SPHKAP: variants seen among roughly 807,000 people sequenced by gnomAD.
SPHKAP encodes SPHK1 interactor, AKAP domain containing.
Under a neutral mutation model 137.5 loss-of-function variants are expected in SPHKAP, and 67 were observed. The ratio of observed to expected loss-of-function variants is 0.49; its 90% confidence interval spans 0.40 to 0.60. SPHKAP has a LOEUF of 0.60. Among genes scored for constraint, SPHKAP ranks in the 20% least tolerant of loss-of-function variants. The pLI is 0.00. For synonymous variants in SPHKAP, 813 were observed against 785.3 expected, an observed-to-expected ratio of 1.04 and a Z score of -0.59; for missense variants, 2,097 against 2,069.3, an observed-to-expected ratio of 1.01 and a Z score of -0.26.
chr2:228,050,311 C>T (rs922186505), intron 3 of SPHKAP, among the ~76,000 whole-genome samples: 2 of 152,158 alleles, frequency 1.3e-5, no homozygotes, highest in Non-Finnish European at 2.9e-5. Flanking sequence ...TACCATTCAA[C>T]CCAGCAATCC....
intron 2 of SPHKAP, among the ~76,000 whole-genome samples, chr2:228,111,796 C>A (rs1039360515): frequency 6.6e-6 from 1 of 151,974 alleles, no homozygotes; most frequent in African/African-American, 2.4e-5. Context: ...TGTTCAGAGC[C>A]TGACTTTGGA....
At position 228,021,795 on chromosome 2, in the gene SPHKAP, A is replaced by G. The variant is rs1694849869; in HGVS notation, c.613T>C (p.Cys205Arg). 6.2e-7 allele frequency: 1 copy of G among 1,614,194 alleles called. No homozygotes were observed. The highest frequency in any genetic ancestry group is 1.1e-5 in the South Asian group (1 of 91,088). ...NILKLEDDTN[C>R]SLSSIEEDFL... ...TCTTCCTCGATTGAAGATAAGGAACAGTTCGTGTCATCCTCCAGTTTCAAG... is the reference window on the plus strand; with the variant it reads ...TCTTCCTCGATTGAAGATAAGGAACGGTTCGTGTCATCCTCCAGTTTCAAG... Residue 205 changes from cysteine (C) to arginine (R), a missense_variant, in exon 6 of 12, where the codon TGT becomes CGT. Cys to Arg is a radical substitution (Grantham distance 180). Transcript: ENST00000392056.
At chr2:228,113,696 T>G (rs896091098) in intron 2 of SPHKAP, among the ~76,000 whole-genome samples, 3 of 149,962 alleles carry the variant, frequency 2.0e-5, no homozygotes, top group Non-Finnish European at 4.4e-5. Context: ...CCTGACTCCT[T>G]GTTAACTGTG....
chr2:228,016,576 C>G lies in SPHKAP; in HGVS notation c.4278G>C (p.Val1426=), dbSNP rs750035282. The G allele has an allele frequency of 1.2e-6, 2 of 1,614,106 alleles. No individual in the cohort carries two copies. The highest frequency in any genetic ancestry group is 1.7e-5 in the Admixed American group (1 of 60,010). ...HKRRSLCSRE[V]PLIQIETDQR... is the part of the protein sequence containing the mutation. ...GATCTGTTTCAATCTGAATCAAAGG[C>G]ACTTCCCTCGAGCAAAGTGATCGCC... Residue 1426 remains valine (V), a synonymous_variant, in exon 7 of 12, where the codon GTG becomes GTC. Transcript: ENST00000392056.
intron 3 of SPHKAP, among the ~76,000 whole-genome samples, chr2:228,050,206 G>A (rs1696207660): frequency 6.6e-6 from 1 of 152,158 alleles, no homozygotes; most frequent in Admixed American, 6.5e-5. Flanking sequence ...GTCAGGGCTT[G>A]AAGGAAAGGA....
chr2:228,066,933 C>A (rs1696845443), intron 3 of SPHKAP, among the ~76,000 whole-genome samples: 1 of 152,126 alleles, frequency 6.6e-6, no homozygotes, highest in Non-Finnish European at 1.5e-5. Context: ...AGTTTGTTAA[C>A]CTTCTCTTCA....
chr2:228,011,418 T>A (rs902932815), intron 7 of SPHKAP, among the ~76,000 whole-genome samples: 3 of 152,248 alleles, frequency 2.0e-5, no homozygotes, highest in African/African-American at 7.2e-5. Flanking sequence ...CTACAGAGAC[T>A]GGTAGATGCC....
chr2:228,154,508 C>A (rs370450623), intron 1 of SPHKAP, among the ~76,000 whole-genome samples: 3,693 of 33,990 alleles, frequency 0.11, 133 homozygotes, highest in Middle Eastern at 0.21. Flanking sequence ...CTCTCTCTCT[C>A]TCTCTATATA....
chr2:228,103,060 A>G (rs891197594), intron 3 of SPHKAP, among the ~76,000 whole-genome samples: 7 of 152,044 alleles, frequency 4.6e-5, no homozygotes, highest in Admixed American at 4.6e-4. Context: ...CTTCAGTTTC[A>G]TGTTTCACTT....
intron 11 of SPHKAP, among the ~76,000 whole-genome samples, chr2:227,985,465 C>T (rs1440337587): frequency 1.3e-5 from 2 of 152,126 alleles, no homozygotes; most frequent in Non-Finnish European, 2.9e-5. Context: ...GCAGAAAGTC[C>T]TAGAGCTCTC....
In SPHKAP at chr2:228,181,253, C is replaced by A. The variant is rs576358029; in HGVS notation, c.32+314G>T. On this transcript the variant is annotated intron_variant, in intron 1 of 11. Transcript: ENST00000392056. The surrounding 1 kb of genome is among the most constrained non-coding windows in gnomAD (Gnocchi z 4.3). Reference sequence around the variant, plus strand: ...CTCCAAGCTGTGTCCGCGGAAAGTCCGGCTCCTGGCTCCACCTAGGGCAGA... The same window carrying A: ...CTCCAAGCTGTGTCCGCGGAAAGTCAGGCTCCTGGCTCCACCTAGGGCAGA... Among the ~76,000 whole-genome samples the A allele has an allele frequency of 6.6e-6, 1 of 152,162 alleles. No homozygotes were observed. The highest frequency in any genetic ancestry group is 2.4e-5 in the African/African-American group (1 of 41,452).
At chr2:228,154,497 T>TCTCTCC (rs1700037401) in intron 1 of SPHKAP, among the ~76,000 whole-genome samples, 1 of 26,682 alleles carries the variant, frequency 3.7e-5, no homozygotes, top group African/African-American at 1.3e-4. Flanking sequence ...TCTCTCTCTC[T>TCTCTCC]CTCTCTCTCT....
intron 3 of SPHKAP, among the ~76,000 whole-genome samples, chr2:228,058,430 A>ACATTTTAC (rs1696521542): frequency 6.6e-6 from 1 of 152,328 alleles, no homozygotes; most frequent in South Asian, 2.1e-4. Context: ...ATAGGCATTA[A>ACATTTTAC]CATTTTACTG....
intron 4 of SPHKAP, chr2:228,025,786 C>G (rs1242325952): frequency 1.2e-6 from 1 of 824,326 alleles, no homozygotes; most frequent in South Asian, 5.6e-5. Flanking sequence ...ATAAAGTAAA[C>G]ATTATGATAG....
chr2:228,032,393 A>G (rs954216074), intron 3 of SPHKAP, among the ~76,000 whole-genome samples: 8 of 152,194 alleles, frequency 5.3e-5, no homozygotes, highest in Non-Finnish European at 1.0e-4. Context: ...AAAAGACCAA[A>G]TCTACGTCTG....
chr2:228,012,249 A>G (rs867452580), intron 7 of SPHKAP, among the ~76,000 whole-genome samples: 1 of 151,558 alleles, frequency 6.6e-6, no homozygotes, highest in Non-Finnish European at 1.5e-5. Context: ...TCTGGGCAAT[A>G]GATCACTAAA....
intron 7 of SPHKAP, among the ~76,000 whole-genome samples, chr2:228,001,192 T>A (rs963640720): frequency 1.3e-5 from 2 of 149,856 alleles, no homozygotes; most frequent in Non-Finnish European, 3.0e-5. Context: ...TGGTGAAGTG[T>A]CTCTTCAGGC....
rs763507830 is a variant in SPHKAP at position 228,016,462 on chromosome 2, G to A, written c.4392C>T (p.Asn1464=). 6.2e-7 allele frequency: 1 copy of A among 1,612,334 alleles called. No individual in the cohort carries two copies. The highest frequency in any genetic ancestry group is 1.1e-5 in the South Asian group (1 of 90,872). ...CTCCACCTCTCACCACATCTGGGAT[G>A]TTTTTGTCATTCGAATGCCCTTCTG... ...EEAEGHSNDK[N]IPDVVRGGDT... is the part of the protein sequence containing the mutation. Residue 1464 remains asparagine (N), a synonymous_variant, in exon 7 of 12, where the codon AAC becomes AAT. Coordinates refer to ENST00000392056, the MANE Select transcript of SPHKAP (RefSeq NM_001142644.2).
chr2:228,026,539 C>T (rs1695039329), intron 4 of SPHKAP, among the ~76,000 whole-genome samples: 1 of 152,164 alleles, frequency 6.6e-6, no homozygotes, highest in Non-Finnish European at 1.5e-5. Flanking sequence ...ATGCTCTTAG[C>T]CATAGCAGAC....
Sources: allele counts gnomAD v4.1 joint callset (sites outside exome capture counted in the v4.1 genomes callset), GRCh38; gene constraint gnomAD v4.1.1; non-coding constraint Gnocchi (gnomAD v3.1); transcripts MANE v1.5; gene names NCBI Gene and HGNC (gene_info 2026-07-23, HGNC 2026-07-21).